TLN2: variants seen among roughly 807,000 people sequenced by gnomAD.
TLN2 encodes talin 2.
Under a neutral mutation model 294.7 loss-of-function variants are expected in TLN2, and 118 were observed. The ratio of observed to expected loss-of-function variants is 0.40; its 90% CI spans 0.34 to 0.47. TLN2 has a LOEUF of 0.47. TLN2 is among the 20% of genes least tolerant of loss of function. The probability of loss-of-function intolerance (pLI) is 0.84; values close to 1 mark genes in which losing one functional copy is unlikely to be tolerated. For synonymous variants in TLN2, 1,431 were observed against 1,304.5 expected (o/e 1.10, Z -2.09); for missense variants, 3,083 against 3,282.2 (o/e 0.94, Z 1.48).
At chr15:62,411,758 G>C (rs1595746910) in intron 1 of TLN2, among the ~76,000 whole-genome samples, 1 of 152,132 alleles carries the variant, frequency 6.6e-6, no homozygotes. Flanking sequence ...AAGTACGCCA[G>C]AACTTGGAAA....
At chr15:62,467,824 G>C (rs1260511571) in intron 1 of TLN2, among the ~76,000 whole-genome samples, 1 of 152,200 alleles carries the variant, frequency 6.6e-6, no homozygotes, top group African/African-American at 2.4e-5. Flanking sequence ...CCTAGTGTCA[G>C]GTGGCCCACC....
At chr15:62,552,640 G>T (rs2042388286) in intron 1 of TLN2, among the ~76,000 whole-genome samples, 1 of 152,182 alleles carries the variant, frequency 6.6e-6, no homozygotes, top group Non-Finnish European at 1.5e-5. Context: ...GCTCAAGAAG[G>T]CTGTGATGTG....
chr15:62,599,380 AT>A (rs1167138119), intron 2 of TLN2, among the ~76,000 whole-genome samples: 1 of 152,148 alleles, frequency 6.6e-6, no homozygotes, highest in East Asian at 1.9e-4. Flanking sequence ...GTGACTTGAA[AT>A]TTTTTATATT....
At chr15:62,701,968 G>T (rs756728657) in intron 17 of TLN2, 24 bp from the exon 18 acceptor site, 2 of 1,612,048 alleles carry the variant, frequency 1.2e-6, no homozygotes, top group South Asian at 1.1e-5. Context: ...CTCCTTTGAT[G>T]GGGATGGTTC....
At chr15:62,604,107 T>G (rs2047217001) in intron 2 of TLN2, among the ~76,000 whole-genome samples, 1 of 152,224 alleles carries the variant, frequency 6.6e-6, no homozygotes, top group African/African-American at 2.4e-5. Flanking sequence ...GTTTTTTTCC[T>G]TAACCCTTTA....
intron 27 of TLN2, among the ~76,000 whole-genome samples, chr15:62,726,079 G>A (rs2060423744): frequency 6.7e-6 from 1 of 149,564 alleles, no homozygotes; most frequent in African/African-American, 2.5e-5. Context: ...CCACAGCTTT[G>A]CAAAGTGGTC....
intron 1 of TLN2, among the ~76,000 whole-genome samples, chr15:62,486,461 T>TG (rs1267628253): frequency 1.3e-5 from 2 of 150,622 alleles, no homozygotes; most frequent in South Asian, 2.1e-4. Context: ...TGTTTTTTTT[T>TG]TTTTTTTTTT....
At chr15:62,818,185 C>T (rs1444305146) in intron 52 of TLN2, among the ~76,000 whole-genome samples, 1 of 152,094 alleles carries the variant, frequency 6.6e-6, no homozygotes, top group Non-Finnish European at 1.5e-5. Context: ...GGTTTAAAAC[C>T]GGTAATGGAT....
At chr15:62,456,845 C>T (rs1185166501) in intron 1 of TLN2, among the ~76,000 whole-genome samples, 1 of 152,186 alleles carries the variant, frequency 6.6e-6, no homozygotes, top group Non-Finnish European at 1.5e-5. Flanking sequence ...GGCTCTGTCT[C>T]ATTCTGCTTG....
chr15:62,542,568 A>G (rs1182458112), intron 1 of TLN2, among the ~76,000 whole-genome samples: 1 of 152,122 alleles, frequency 6.6e-6, no homozygotes, highest in African/African-American at 2.4e-5. Context: ...ATATACTAGG[A>G]TCCTTTTGGT....
intron 19 of TLN2, among the ~76,000 whole-genome samples, chr15:62,704,966 A>G (rs1283536406): frequency 6.6e-6 from 1 of 152,180 alleles, no homozygotes; most frequent in East Asian, 1.9e-4. Flanking sequence ...TATTAATATT[A>G]TTGTTTTCTC....
chr15:62,450,874 A>G (rs140520340), intron 1 of TLN2, among the ~76,000 whole-genome samples: 44 of 151,360 alleles, frequency 2.9e-4, no homozygotes, highest in African/African-American at 9.0e-4. Context: ...CCTGGTCCAT[A>G]TATCTATATA....
chr15:62,489,338 A>C (rs1265394775), intron 1 of TLN2, among the ~76,000 whole-genome samples: 1 of 152,206 alleles, frequency 6.6e-6, no homozygotes, highest in Non-Finnish European at 1.5e-5. Flanking sequence ...CTCAGGTGCA[A>C]CTTCTCAAAC....
chr15:62,736,180 C>A (rs1056731328), intron 28 of TLN2, among the ~76,000 whole-genome samples: 3 of 151,998 alleles, frequency 2.0e-5, no homozygotes, highest in African/African-American at 4.8e-5. Context: ...ATTAGCCGGG[C>A]GTGGTGATGG....
At chr15:62,665,445 A>G (rs1158391239) in intron 9 of TLN2, among the ~76,000 whole-genome samples, 5 of 152,322 alleles carry the variant, frequency 3.3e-5, no homozygotes, top group African/African-American at 1.2e-4. Flanking sequence ...ACACATGGCA[A>G]AGGCAAAAGT....
chr15:62,721,916 C>G (rs925168498), intron 25 of TLN2, among the ~76,000 whole-genome samples: 1 of 152,108 alleles, frequency 6.6e-6, no homozygotes, highest in Non-Finnish European at 1.5e-5. Flanking sequence ...CCTTCACTGG[C>G]GAAGTTATTT....
intron 1 of TLN2, among the ~76,000 whole-genome samples, chr15:62,574,173 A>ATT (rs113648407): frequency 6.2e-5 from 9 of 145,038 alleles, no homozygotes; most frequent in African/African-American, 2.2e-4. Flanking sequence ...CTGTCACTTC[A>ATT]TTTTTTTTTT....
intron 45 of TLN2, chr15:62,784,328 G>A (rs1258784543): frequency 3.5e-5 from 8 of 230,484 alleles, no homozygotes; most frequent in African/African-American, 9.0e-5. Context: ...CCTCTCCCTC[G>A]AAAGAGCTAC....
At chr15:62,399,284 A>AAAAAAT (rs1475579160) in intron 1 of TLN2, among the ~76,000 whole-genome samples, 3 of 150,880 alleles carry the variant, frequency 2.0e-5, no homozygotes, top group Non-Finnish European at 4.4e-5. Context: ...AAAAAAAAAA[A>AAAAAAT]AGTAAGAAAT....
Sources: allele counts gnomAD v4.1 joint callset (sites outside exome capture counted in the v4.1 genomes callset), GRCh38; gene constraint gnomAD v4.1.1; transcripts MANE v1.5; gene names NCBI Gene and HGNC (gene_info 2026-07-23, HGNC 2026-07-21).